The following HAT1 variants were observed in gnomAD, a reference collection of about 807,000 sequenced individuals.
HAT1 encodes the protein histone acetyltransferase type B catalytic subunit.
Under a neutral mutation model 56.6 loss-of-function variants are expected in HAT1, and 20 were observed. The ratio of observed to expected loss-of-function variants is 0.35; its 90% confidence interval spans 0.25 to 0.51. The LOEUF (loss-of-function observed/expected upper bound fraction) is 0.51. Ranked by LOEUF, HAT1 falls within the 20% of genes least tolerant of loss-of-function variation. HAT1 has a pLI of 0.95. For synonymous variants in HAT1, 146 were observed against 165.5 expected, an observed-to-expected ratio of 0.88 and a Z score of 0.91; for missense variants, 408 against 504.3, an observed-to-expected ratio of 0.81 and a Z score of 1.83.
chr2:171,981,549 T>C (rs1055550277), intron 10 of HAT1, among the ~76,000 whole-genome samples: 20 of 152,198 alleles, frequency 1.3e-4, no homozygotes, highest in Non-Finnish European at 2.4e-4. Flanking sequence ...CATAGCATCT[T>C]TTTACTTTGC....
chr2:171,944,143 CAAA>C (rs36067235), intron 2 of HAT1, among the ~76,000 whole-genome samples: 9 of 138,112 alleles, frequency 6.5e-5, no homozygotes, highest in Admixed American at 7.4e-5. Context: ...AACCCTGTCT[CAAA>C]AAAAAAAAAA....
intron 8 of HAT1, among the ~76,000 whole-genome samples, chr2:171,968,302 C>T (rs1424583936): frequency 3.3e-5 from 5 of 152,106 alleles, no homozygotes; most frequent in Admixed American, 6.6e-5. Context: ...AATTGTTTAG[C>T]TTCTATTAAC....
chr2:171,924,319 C>G (rs887313021), intron 1 of HAT1: 2 of 151,840 alleles, frequency 1.3e-5, no homozygotes, highest in Admixed American at 1.3e-4. Context: ...GCCTCAGCCT[C>G]CGGAGTAGCT....
intron 2 of HAT1, among the ~76,000 whole-genome samples, chr2:171,943,741 A>ATATATG (rs1687087573): frequency 6.7e-6 from 1 of 149,476 alleles, no homozygotes. Flanking sequence ...ATATATATAT[A>ATATATG]TATATATATG....
intron 2 of HAT1, among the ~76,000 whole-genome samples, chr2:171,941,268 A>G (rs1279720894): frequency 6.6e-6 from 1 of 152,010 alleles, no homozygotes; most frequent in East Asian, 1.9e-4. Context: ...GCTGGAGTGC[A>G]GTGGCGGGAT....
Position 171,983,595 on chromosome 2 carries a change from TAAAC to T in HAT1, c.*245_*248del. The T allele has an allele frequency of 3.3e-6, 1 of 307,240 alleles. No homozygotes were observed. Among genetic ancestry groups the T allele is most frequent in the Admixed American group, 4.7e-5 (1 of 21,344 alleles). 19.0% of individuals were successfully genotyped at this position (307,240 alleles called of 1,614,324 possible). On this transcript the variant is annotated 3_prime_UTR_variant, in exon 11 of 11. Coordinates refer to ENST00000264108, the MANE Select transcript of HAT1 (RefSeq NM_003642.4). ...ATACTACTGCAATTGCTTCCCTTCT[TAAAC>T]AGTATAATAAATGCTTAGTTGTGAT...
In HAT1 at chr2:171,925,644, A is replaced by C. The variant is rs952110019; in HGVS notation, c.112+3A>C. The C allele has an allele frequency of 8.4e-7, 1 of 1,194,434 alleles. No individual in the cohort carries two copies. The highest frequency in any genetic ancestry group is 1.5e-5 in the African/African-American group (1 of 67,204). The allele number at this position is 1,194,434 out of a possible 1,614,324, so 74.0% of individuals were successfully genotyped here. ...CACAGCAATTGAACTAAAATTAGGT[A>C]TGTATGCCATTTCTAAGTGATGTTA... On this transcript the variant is annotated splice_donor_region_variant and intron_variant, in intron 2 of 10. Transcript: ENST00000264108.
intron 8 of HAT1, among the ~76,000 whole-genome samples, chr2:171,973,400 CAAAA>C (rs67088559): frequency 3.7e-5 from 5 of 133,626 alleles, no homozygotes; most frequent in African/African-American, 1.1e-4. Flanking sequence ...CCAATTTCTG[CAAAA>C]AAAAAAAAAA....
At chr2:171,958,731 C>T (rs897658374) in intron 4 of HAT1, among the ~76,000 whole-genome samples, 1 of 152,198 alleles carries the variant, frequency 6.6e-6, no homozygotes, top group South Asian at 2.1e-4. Context: ...TCATAACTTT[C>T]TTTTGCAGAA....
intron 2 of HAT1, among the ~76,000 whole-genome samples, chr2:171,941,989 C>T (rs1360663516): frequency 6.6e-6 from 1 of 152,324 alleles, no homozygotes; most frequent in Non-Finnish European, 1.5e-5. Context: ...ACTGCAACCT[C>T]TGCCTCCTGG....
At chr2:171,950,083 A>G (rs1687266580) in intron 3 of HAT1, among the ~76,000 whole-genome samples, 1 of 152,152 alleles carries the variant, frequency 6.6e-6, no homozygotes, top group South Asian at 2.1e-4. Context: ...GGACATTTAA[A>G]TATTTCCCTT....
intron 3 of HAT1, among the ~76,000 whole-genome samples, chr2:171,950,808 T>C (rs572949620): frequency 6.6e-6 from 1 of 151,672 alleles, no homozygotes; most frequent in African/African-American, 2.4e-5. Context: ...CCAGCCTTAA[T>C]GTGTGTTTTG....
At chr2:171,969,548 C>T (rs1687763832) in intron 8 of HAT1, among the ~76,000 whole-genome samples, 2 of 152,092 alleles carry the variant, frequency 1.3e-5, no homozygotes, top group Non-Finnish European at 2.9e-5. Context: ...AAATATGTTG[C>T]TTATCTTTGT....
chr2:171,947,241 TTTATTTATTTA>T, intron 3 of HAT1, among the ~76,000 whole-genome samples: 1 of 152,036 alleles, frequency 6.6e-6, no homozygotes, highest in South Asian at 2.1e-4. Flanking sequence ...TTGAGAGAAG[TTTATTTATTTA>T]TTATTTATTT....
intron 4 of HAT1, among the ~76,000 whole-genome samples, chr2:171,954,408 G>A (rs1296251566): frequency 1.3e-5 from 2 of 152,138 alleles, no homozygotes; most frequent in Non-Finnish European, 2.9e-5. Context: ...AGATGAGGCC[G>A]GGCACAGTGG....
At chr2:171,956,405 T>C (rs1309366104) in intron 4 of HAT1, among the ~76,000 whole-genome samples, 3 of 150,076 alleles carry the variant, frequency 2.0e-5, no homozygotes, top group African/African-American at 2.5e-5. Flanking sequence ...CCAGCTACTC[T>C]GGAGCCTGAG....
intron 3 of HAT1, among the ~76,000 whole-genome samples, chr2:171,952,053 TTTA>T (rs1442082505): frequency 6.6e-6 from 1 of 152,220 alleles, no homozygotes; most frequent in African/African-American, 2.4e-5. Flanking sequence ...AGAATACAGC[TTTA>T]TTGAGATATA....
At chr2:171,979,596 T>C in intron 10 of HAT1, 1 of 346,856 alleles carries the variant, frequency 2.9e-6, no homozygotes, top group Non-Finnish European at 5.3e-6. Flanking sequence ...TCACCTCAGG[T>C]CAGAAGTTCA....
rs1371104442 is a variant in HAT1 at position 171,965,961 on chromosome 2, AT to A, written c.611+57del. The A allele has an allele frequency of 3.3e-6, 5 of 1,513,850 alleles. No homozygotes were observed. The Admixed American group carries it at 9.9e-5, about 30-fold the overall frequency. The allele number at this position is 1,513,850 out of a possible 1,614,324, so 93.8% of individuals were successfully genotyped here. ...ACCTTATTACCTCCACAAAGCCAGC[AT>A]TTTAATTGTGGCAGCCCAATTATTG... On this transcript the variant is annotated intron_variant, in intron 6 of 10. Coordinates refer to ENST00000264108, the MANE Select transcript of HAT1 (RefSeq NM_003642.4).
Sources: gnomAD v4.1 joint callset for allele counts (sites outside exome capture counted in the v4.1 genomes callset) on GRCh38, gnomAD v4.1.1 for gene constraint, MANE v1.5 for transcripts, NCBI Gene and HGNC (gene_info 2026-07-23, HGNC 2026-07-21) for gene names.